The following SHISA9 variants were observed in gnomAD, a reference collection of about 807,000 sequenced individuals.
SHISA9 encodes the protein shisa family member 9.
Under a neutral mutation model 38.0 loss-of-function variants are expected in SHISA9, and 13 were observed. The ratio of observed to expected loss-of-function variants is 0.34; its 90% CI spans 0.22 to 0.54. SHISA9 has a LOEUF of 0.54. SHISA9 is among the 20% of genes least tolerant of loss of function. The pLI is 0.91. For synonymous variants in SHISA9, 275 were observed against 242.0 expected, an observed-to-expected ratio of 1.14 and a Z score of -1.27; for missense variants, 538 against 575.8, an observed-to-expected ratio of 0.93 and a Z score of 0.67.
intron 2 of SHISA9, among the ~76,000 whole-genome samples, chr16:13,038,467 A>G (rs981147688): frequency 2.0e-5 from 3 of 152,158 alleles, no homozygotes; most frequent in African/African-American, 7.2e-5. Flanking sequence ...CCTTTGCTCT[A>G]TTCCAACCTC....
intron 2 of SHISA9, among the ~76,000 whole-genome samples, chr16:12,982,222 A>G (rs1039561174): frequency 3.3e-5 from 5 of 152,236 alleles, no homozygotes; most frequent in Non-Finnish European, 4.4e-5. Flanking sequence ...TCGGCCATCC[A>G]ATATGGTGGC....
At chr16:13,293,249 A>AAC in the SHISA9 span, among the ~76,000 whole-genome samples, 5 of 151,922 alleles carry the variant, frequency 3.3e-5, no homozygotes, top group South Asian at 2.1e-4. Context: ...CACGCGCGCA[A>AAC]ACACACACAC....
intron 2 of SHISA9, among the ~76,000 whole-genome samples, chr16:13,024,404 C>T (rs2072895820): frequency 6.6e-6 from 1 of 152,196 alleles, no homozygotes; most frequent in African/African-American, 2.4e-5. Flanking sequence ...TGGCCCAGAG[C>T]CTCTTGAGGT....
chr16:13,381,658 T>G, the SHISA9 span, among the ~76,000 whole-genome samples: 1 of 152,312 alleles, frequency 6.6e-6, no homozygotes, highest in Middle Eastern at 3.4e-3. Flanking sequence ...CGCTAAATTC[T>G]CATTTACTGT....
the SHISA9 span, among the ~76,000 whole-genome samples, chr16:13,249,301 G>T: frequency 8.9e-3 from 1,353 of 152,274 alleles, 12 homozygotes; most frequent in African/African-American, 0.03. Context: ...TTTGGGGTCA[G>T]CCTCGTTGAA....
intron 2 of SHISA9, among the ~76,000 whole-genome samples, chr16:12,935,679 C>G (rs1462485342): frequency 6.6e-6 from 1 of 151,922 alleles, no homozygotes; most frequent in Non-Finnish European, 1.5e-5. Context: ...GAAACCCCAT[C>G]TGTACAAAAA....
rs990817468 is a variant in SHISA9, at chr16:13,123,769, G to T, written c.692-79625G>T. Among the ~76,000 whole-genome samples, 141 of 152,312 alleles carry T rather than the reference G, an allele frequency of 9.3e-4. 1 individual carries two copies. Among genetic ancestry groups the T allele is most frequent in the Non-Finnish European group, 4.7e-4 (32 of 68,016 alleles). On this transcript the variant is annotated intron_variant, in intron 2 of 4. Coordinates refer to ENST00000558583, the MANE Select transcript of SHISA9 (RefSeq NM_001145204.3). ...GGAAGCAAGCCCTTCTTGTGGCAAA[G>T]TGGTAGCTAACAGTGGGACTATGGG...
chr16:13,323,446 C>T, the SHISA9 span, among the ~76,000 whole-genome samples: 2 of 152,150 alleles, frequency 1.3e-5, no homozygotes, highest in East Asian at 3.8e-4. Flanking sequence ...ATGTTTGTCC[C>T]CCTTCAAATC....
chr16:13,413,569 G>A, the SHISA9 span, among the ~76,000 whole-genome samples: 12 of 151,760 alleles, frequency 7.9e-5, no homozygotes, highest in Non-Finnish European at 1.8e-4. Flanking sequence ...CAGCGTGGCC[G>A]ATATGGTGAA....
the SHISA9 span, among the ~76,000 whole-genome samples, chr16:13,529,648 C>T: frequency 2.0e-5 from 3 of 152,212 alleles, no homozygotes; most frequent in Non-Finnish European, 4.4e-5. Flanking sequence ...TCAGAATAAA[C>T]CTCCTTGCAA....
chr16:12,970,021 G>T (rs181249490), intron 2 of SHISA9, among the ~76,000 whole-genome samples: 1 of 151,736 alleles, frequency 6.6e-6, no homozygotes, highest in African/African-American at 2.4e-5. Flanking sequence ...GGCACACAGG[G>T]GCTTCATGGA....
the SHISA9 span, among the ~76,000 whole-genome samples, chr16:13,371,759 T>C: frequency 6.6e-6 from 1 of 152,226 alleles, no homozygotes; most frequent in South Asian, 2.1e-4. Flanking sequence ...CGGGGAGATG[T>C]ACAGAATCAA....
intron 2 of SHISA9, among the ~76,000 whole-genome samples, chr16:13,037,109 G>GACACACACACACACAC (rs1207707042): frequency 9.5e-6 from 1 of 105,210 alleles, no homozygotes; most frequent in Non-Finnish European, 2.0e-5. Flanking sequence ...CACACACACA[G>GACACACACACACACAC]ACACACACAC....
At chr16:13,377,355 C>A in the SHISA9 span, among the ~76,000 whole-genome samples, 1 of 152,200 alleles carries the variant, frequency 6.6e-6, no homozygotes, top group Non-Finnish European at 1.5e-5. Context: ...AATCCCAGTT[C>A]TTTTTTATCA....
intron 2 of SHISA9, among the ~76,000 whole-genome samples, chr16:13,136,396 CT>C (rs35122409): frequency 0.016 from 1,070 of 68,142 alleles, 3 homozygotes; most frequent in South Asian, 0.024. Context: ...CAGTTTCCTT[CT>C]TTTTTTTTTT....
At chr16:13,161,362 C>A (rs1366493064) in intron 2 of SHISA9, among the ~76,000 whole-genome samples, 1 of 152,142 alleles carries the variant, frequency 6.6e-6, no homozygotes, top group African/African-American at 2.4e-5. Flanking sequence ...TCACATAAGA[C>A]CTGGACCCTA....
the SHISA9 span, among the ~76,000 whole-genome samples, chr16:13,441,093 G>A: frequency 6.6e-6 from 1 of 152,046 alleles, no homozygotes; most frequent in Non-Finnish European, 1.5e-5. Flanking sequence ...GATTTCACAG[G>A]GACCTGAGGA....
At chr16:13,418,397 G>A in the SHISA9 span, among the ~76,000 whole-genome samples, 1 of 152,144 alleles carries the variant, frequency 6.6e-6, no homozygotes, top group Non-Finnish European at 1.5e-5. Flanking sequence ...CTCACCTGGG[G>A]CTGTATATCT....
intron 2 of SHISA9, among the ~76,000 whole-genome samples, chr16:12,931,315 T>C (rs902286948): frequency 2.0e-5 from 3 of 152,178 alleles, no homozygotes; most frequent in Non-Finnish European, 2.9e-5. Flanking sequence ...AGGGGGACCA[T>C]GCACAGGTTT....
Sources: allele counts gnomAD v4.1 joint callset (sites outside exome capture counted in the v4.1 genomes callset), GRCh38; gene constraint gnomAD v4.1.1; transcripts MANE v1.5; gene names NCBI Gene and HGNC (gene_info 2026-07-23, HGNC 2026-07-21).